The following EML6 variants were observed in gnomAD, a reference collection of about 807,000 sequenced individuals.
The protein encoded by EML6 is EMAP like 6, also known as echinoderm microtubule-associated protein-like 6.
EML6 carries 154 observed loss-of-function variants against 240.1 expected under a neutral mutation model. That is an observed-to-expected ratio of 0.64 (90% CI 0.56 to 0.73). The LOEUF (loss-of-function observed/expected upper bound fraction) is 0.73, where lower values mean the gene tolerates loss of function less well. Ranked by LOEUF, EML6 falls within the 30% of genes least tolerant of loss-of-function variation. EML6 has a pLI of 0.00. For synonymous variants in EML6, 1,148 were observed against 899.0 expected (o/e 1.28, Z -4.95); for missense variants, 2,964 against 2,474.6 (o/e 1.20, Z -4.20).
At chr2:54,730,818 A>T (rs1683123939) in intron 2 of EML6, among the ~76,000 whole-genome samples, 1 of 152,208 alleles carries the variant, frequency 6.6e-6, no homozygotes, top group Non-Finnish European at 1.5e-5. Flanking sequence ...TTGTTAATTC[A>T]TCAAAAACTC....
intron 2 of EML6, among the ~76,000 whole-genome samples, chr2:54,765,839 C>G (rs1668165413): frequency 1.3e-5 from 2 of 152,166 alleles, no homozygotes; most frequent in African/African-American, 2.4e-5. Flanking sequence ...CATTTCTTAT[C>G]TACATACAAT....
chr2:54,968,447 G>C (rs1676846017), intron 40 of EML6, among the ~76,000 whole-genome samples, 166 bp downstream of exon 40: 1 of 152,196 alleles, frequency 6.6e-6, no homozygotes, highest in Non-Finnish European at 1.5e-5. Context: ...AGTCCTGGAA[G>C]CCAGAAGGGA....
Position 54,916,903 on chromosome 2 carries a change from G to T in EML6, c.3643G>T (p.Gly1215Cys). 6.5e-7 allele frequency: 1 copy of T among 1,547,442 alleles called. No homozygotes were observed. The highest frequency in any genetic ancestry group is 8.7e-7 in the Non-Finnish European group (1 of 1,143,582). The change falls in exon 26 of 42, where the codon GGT becomes TGT. Residue 1215 changes from glycine (G) to cysteine (C), a missense_variant. Coordinates refer to ENST00000356458, the MANE Select transcript of EML6 (RefSeq NM_001039753.4). ...CCTTTTAGCCACCGGAGATGATTTT[G>T]GTTTCGTTAAGCTTTTTTCATATCC... ...CSLLATGDDF[G>C]FVKLFSYPVK...
At chr2:54,887,760 A>G (rs1305724885) in intron 17 of EML6, among the ~76,000 whole-genome samples, 2 of 152,100 alleles carry the variant, frequency 1.3e-5, no homozygotes, top group African/African-American at 4.8e-5. Flanking sequence ...AATAGATTTT[A>G]TATTTTAGAG....
chr2:54,844,358 A>G (rs1260981507), intron 8 of EML6, 110 bp downstream of exon 8: 1 of 828,340 alleles, frequency 1.2e-6, no homozygotes, highest in Non-Finnish European at 1.9e-6. Context: ...ACAGTTTCCA[A>G]ATGAAACGTT....
chr2:54,946,123 G>A (rs567639434), intron 28 of EML6, among the ~76,000 whole-genome samples: 1 of 152,218 alleles, frequency 6.6e-6, no homozygotes, highest in Admixed American at 6.5e-5. Flanking sequence ...TGATTATCCA[G>A]TTTGTTTGCT....
At chr2:54,915,186 G>C (rs1449222881) in intron 25 of EML6, among the ~76,000 whole-genome samples, 1 of 152,154 alleles carries the variant, frequency 6.6e-6, no homozygotes, top group African/African-American at 2.4e-5. Context: ...AATTTCTGTA[G>C]CTTCCAGCAA....
At chr2:54,864,926 C>T (rs767196494) in intron 13 of EML6, among the ~76,000 whole-genome samples, 20 of 152,148 alleles carry the variant, frequency 1.3e-4, no homozygotes, top group African/African-American at 4.3e-4. Context: ...AGCCCCATGA[C>T]GAAATCATCT....
At chr2:54,844,292 A>G (rs1231452485) in intron 8 of EML6, 44 bp downstream of exon 8, 1 of 1,477,702 alleles carries the variant, frequency 6.8e-7, no homozygotes, top group African/African-American at 1.4e-5. Context: ...TTTGAGATGG[A>G]TTTATTTGCC....
intron 9 of EML6, among the ~76,000 whole-genome samples, chr2:54,848,000 A>T (rs1669863859): frequency 6.6e-6 from 1 of 152,220 alleles, no homozygotes; most frequent in Non-Finnish European, 1.5e-5. Flanking sequence ...CTAAAATCTA[A>T]TGAATAATGA....
At chr2:54,942,445 G>T (rs765632336) in intron 28 of EML6, among the ~76,000 whole-genome samples, 2 of 152,180 alleles carry the variant, frequency 1.3e-5, no homozygotes, top group Non-Finnish European at 2.9e-5. Flanking sequence ...TCCATCTGGG[G>T]GGAATGGGCA....
intron 2 of EML6, among the ~76,000 whole-genome samples, chr2:54,804,249 T>C (rs544417485): frequency 2.6e-5 from 4 of 152,250 alleles, no homozygotes; most frequent in Non-Finnish European, 5.9e-5. Context: ...GACTGGCATA[T>C]TTAATTATCC....
At chr2:54,782,371 G>A (rs1257606620) in intron 2 of EML6, among the ~76,000 whole-genome samples, 4 of 152,136 alleles carry the variant, frequency 2.6e-5, no homozygotes, top group Admixed American at 2.6e-4. Context: ...TGATAAAAAT[G>A]AGATTTTAGA....
At chr2:54,892,976 C>G (rs373958321) in intron 19 of EML6, among the ~76,000 whole-genome samples, 1 of 152,112 alleles carries the variant, frequency 6.6e-6, no homozygotes, top group African/African-American at 2.4e-5. Context: ...AGAAATACTT[C>G]AGCATTGTCT....
chr2:54,955,618 C>T (rs1676195744), intron 32 of EML6, among the ~76,000 whole-genome samples: 1 of 152,212 alleles, frequency 6.6e-6, no homozygotes, highest in South Asian at 2.1e-4. Context: ...GGTTCAGGCT[C>T]ACTGTCTTCA....
intron 17 of EML6, among the ~76,000 whole-genome samples, chr2:54,888,397 A>G (rs1215830378): frequency 6.6e-6 from 1 of 152,108 alleles, no homozygotes; most frequent in East Asian, 1.9e-4. Flanking sequence ...CTGAAAAACA[A>G]CTCACCATTG....
At chr2:54,920,496 A>T (rs1216056523) in intron 26 of EML6, among the ~76,000 whole-genome samples, 2 of 152,220 alleles carry the variant, frequency 1.3e-5, no homozygotes, top group East Asian at 3.8e-4. Flanking sequence ...AATAATGCAC[A>T]AGAGATTGAA....
chr2:54,836,363 C>G (rs1669141494), intron 7 of EML6, among the ~76,000 whole-genome samples: 1 of 152,202 alleles, frequency 6.6e-6, no homozygotes, highest in South Asian at 2.1e-4. Context: ...GTGTATCTTT[C>G]ACAGTTCCCG....
At position 54,954,055 on chromosome 2, in the gene EML6, C is replaced by G; in HGVS notation, c.4385C>G (p.Ser1462Cys). 9.7e-6 allele frequency: 15 copies of G among 1,551,958 alleles called. No homozygotes were observed. Among genetic ancestry groups the G allele is most frequent in the Non-Finnish European group, 1.2e-5 (14 of 1,147,006 alleles). The stretch of plus-strand genomic sequence containing the variant: ...CTCTCCATGCTGCGGTGCTTCCACT[C>G]CAAGGGGGTGAATTACATCAACTTC... ...HTLSMLRCFH[S>C]KGVNYINFSA... The change falls in exon 32 of 42, where the codon TCC becomes TGC. Residue 1462 changes from serine (S) to cysteine (C), a missense_variant. Ser to Cys is a moderately radical substitution (Grantham distance 112). Coordinates refer to ENST00000356458, the MANE Select transcript of EML6 (RefSeq NM_001039753.4).
Sources: allele counts gnomAD v4.1 joint callset (sites outside exome capture counted in the v4.1 genomes callset), GRCh38; gene constraint gnomAD v4.1.1; transcripts MANE v1.5; gene names NCBI Gene and HGNC (gene_info 2026-07-23, HGNC 2026-07-21).